Variants in SETDB1 observed in about 807,000 individuals in gnomAD.
SETDB1 encodes the protein SET domain bifurcated histone lysine methyltransferase 1.
Under a neutral mutation model 137.4 loss-of-function variants are expected in SETDB1, and 31 were observed. The ratio of observed to expected loss-of-function variants is 0.23; its 90% CI spans 0.17 to 0.30. SETDB1 has a LOEUF of 0.30. Among genes scored for constraint, SETDB1 ranks in the 10% least tolerant of loss-of-function variants. The pLI, the probability that SETDB1 is intolerant of heterozygous loss-of-function variation, is 1.00. For missense variants in SETDB1, 1,113 were observed against 1,631.5 expected (o/e 0.68, Z 5.47); for synonymous variants, 548 against 579.9 (o/e 0.95, Z 0.79).
chr1:150,958,447 T>G (rs1670722523), intron 14 of SETDB1, among the ~76,000 whole-genome samples: 1 of 151,842 alleles, frequency 6.6e-6, no homozygotes, highest in Admixed American at 6.6e-5. Flanking sequence ...AGACGGGGTT[T>G]TACTGTGTTA....
At chr1:150,926,970 A>G (rs1277175947) in intron 1 of SETDB1, among the ~76,000 whole-genome samples, 1 of 152,236 alleles carries the variant, frequency 6.6e-6, no homozygotes. Context: ...AAGAGAAAAC[A>G]CTGAGTTAGT....
chr1:150,959,830 G>A (rs1670765586), intron 15 of SETDB1, among the ~76,000 whole-genome samples: 1 of 152,180 alleles, frequency 6.6e-6, no homozygotes, highest in Non-Finnish European at 1.5e-5. Flanking sequence ...CCAAAACTTT[G>A]GGAGGCCGAA....
intron 7 of SETDB1, 120 bp from the exon 8 acceptor site, chr1:150,943,800 C>A: frequency 1.6e-6 from 1 of 632,272 alleles, no homozygotes; most frequent in Non-Finnish European, 2.8e-6. Context: ...ACTGGATTGT[C>A]TTCCCTGGAG....
In SETDB1 at chr1:150,960,957, A is replaced by G. The variant is rs374842874; in HGVS notation, c.2898A>G (p.Val966=). Residue 966 remains valine, a synonymous_variant, in exon 16 of 22, where the codon GTA becomes GTG. Coordinates refer to ENST00000692827, the MANE Select transcript of SETDB1 (RefSeq NM_001366418.1). ...PHIPVPPSIP[V]GGCNPPSSEE... ...TTCCTGTTCCTCCCTCAATCCCTGTAGGTGGCTGCAATCCACCTTCCTCCG... is the reference window on the plus strand; with the variant it reads ...TTCCTGTTCCTCCCTCAATCCCTGTGGGTGGCTGCAATCCACCTTCCTCCG... 1 of 1,612,858 alleles carries G rather than the reference A, an allele frequency of 6.2e-7. No individual in the cohort carries two copies. Among genetic ancestry groups the G allele is most frequent in the Non-Finnish European group, 8.5e-7 (1 of 1,179,556 alleles).
chr1:150,961,212 C>G (rs1670807122), intron 16 of SETDB1, 21 bp downstream of exon 16: 2 of 1,609,450 alleles, frequency 1.2e-6, no homozygotes, highest in African/African-American at 1.3e-5. Context: ...GCAGAACACT[C>G]TGAGAGCTAT....
chr1:150,930,825 T>C (rs2102638166), intron 3 of SETDB1, among the ~76,000 whole-genome samples: 1 of 152,276 alleles, frequency 6.6e-6, no homozygotes, highest in Non-Finnish European at 1.5e-5. Flanking sequence ...CATGAGCTGC[T>C]GCACCCAGCC....
intron 10 of SETDB1, 142 bp downstream of exon 10, chr1:150,947,154 C>A: frequency 1.0e-6 from 1 of 960,386 alleles, no homozygotes; most frequent in Non-Finnish European, 1.5e-6. Context: ...TGTTTCCAAT[C>A]ATGGTGATCA....
At chr1:150,941,687 A>C (rs954430483) in intron 5 of SETDB1, among the ~76,000 whole-genome samples, 2 of 151,860 alleles carry the variant, frequency 1.3e-5, no homozygotes, top group African/African-American at 4.8e-5. Context: ...AATCACTCAG[A>C]CTCTTGTTAC....
intron 16 of SETDB1, 88 bp downstream of exon 16, chr1:150,961,279 T>G: frequency 7.8e-7 from 1 of 1,289,742 alleles, no homozygotes; most frequent in Non-Finnish European, 1.1e-6. Flanking sequence ...TGCATGTAGA[T>G]TATTCTACTT....
In SETDB1 at chr1:150,950,977, C is replaced by T. The variant is rs1670475957; in HGVS notation, c.2103C>T (p.Thr701=). 6 of 1,613,982 alleles carry T rather than the reference C, an allele frequency of 3.7e-6. No individual in the cohort carries two copies. In the South Asian group the frequency reaches 4.4e-5, roughly 12 times the overall value. The change falls in exon 13 of 22, where the codon ACC becomes ACT. Residue 701 remains threonine (T), a synonymous_variant. Transcript: ENST00000692827. Reference sequence around the variant, plus strand: ...CCTGTGTCAATGAGATTGACACAACCCCTCCACCCCAGGTGGCCTACAGCA... The same window carrying T: ...CCTGTGTCAATGAGATTGACACAACTCCTCCACCCCAGGTGGCCTACAGCA... ...PLSCVNEIDT[T]PPPQVAYSKE... is the part of the protein sequence containing the mutation.
intron 3 of SETDB1, among the ~76,000 whole-genome samples, chr1:150,931,260 T>C (rs1571622615): frequency 2.9e-5 from 1 of 33,970 alleles, no homozygotes. Context: ...ACTCTTGTCT[T>C]CAAAAAAAAA....
chr1:150,960,180 A>G (rs1670778110), intron 15 of SETDB1, among the ~76,000 whole-genome samples: 1 of 151,932 alleles, frequency 6.6e-6, no homozygotes, highest in Non-Finnish European at 1.5e-5. Context: ...ATTCTTTCTA[A>G]TAGGTCCCCG....
chr1:150,953,627 A>G (rs1232696009), intron 14 of SETDB1, among the ~76,000 whole-genome samples: 1 of 152,052 alleles, frequency 6.6e-6, no homozygotes, highest in Admixed American at 6.6e-5. Flanking sequence ...TCAGGAGTTC[A>G]AGAACAGCCT....
At chr1:150,934,705 G>T (rs1233292964) in intron 3 of SETDB1, among the ~76,000 whole-genome samples, 1 of 152,098 alleles carries the variant, frequency 6.6e-6, no homozygotes, top group Non-Finnish European at 1.5e-5. Flanking sequence ...CCTTCCTGTG[G>T]ATCTGAGTTA....
At chr1:150,941,223 C>A in intron 4 of SETDB1, 106 bp from the exon 5 acceptor site, 1 of 645,422 alleles carries the variant, frequency 1.5e-6, no homozygotes, top group Non-Finnish European at 2.8e-6. Context: ...CCAAACATAA[C>A]TCACTCCATT....
intron 3 of SETDB1, among the ~76,000 whole-genome samples, chr1:150,937,601 A>G (rs1669987465): frequency 6.6e-6 from 1 of 152,164 alleles, no homozygotes; most frequent in Admixed American, 6.6e-5. Context: ...AAAAGACAAT[A>G]ACAAATGTTG....
At chr1:150,940,868 C>T (rs1277036386) in intron 4 of SETDB1, among the ~76,000 whole-genome samples, 1 of 152,048 alleles carries the variant, frequency 6.6e-6, no homozygotes, top group Admixed American at 6.6e-5. Flanking sequence ...CATGGTGGCA[C>T]GTGCCTGTAG....
intron 1 of SETDB1, among the ~76,000 whole-genome samples, chr1:150,927,017 G>C (rs997129289): frequency 6.6e-5 from 10 of 152,310 alleles, no homozygotes; most frequent in Middle Eastern, 6.8e-3. Context: ...GTGGGGTTTT[G>C]TTTAAATTAG....
intron 3 of SETDB1, among the ~76,000 whole-genome samples, chr1:150,935,785 CT>C (rs1184722419): frequency 3.3e-5 from 5 of 151,976 alleles, no homozygotes; most frequent in African/African-American, 1.2e-4. Context: ...ACTTAATTTC[CT>C]ATCGTTCTTT....
Sources: gnomAD v4.1 joint callset for allele counts (sites outside exome capture counted in the v4.1 genomes callset) on GRCh38, gnomAD v4.1.1 for gene constraint, MANE v1.5 for transcripts, NCBI Gene and HGNC (gene_info 2026-07-23, HGNC 2026-07-21) for gene names.